The following FARS2 variants were observed in gnomAD, a reference collection of about 807,000 sequenced individuals.
FARS2 encodes phenylalanyl-tRNA synthetase 2, mitochondrial, also known as phenylalanine--tRNA ligase, mitochondrial.
In FARS2, 40 loss-of-function variants were observed where a neutral mutation model predicts 46.4. The ratio of observed to expected loss-of-function variants is 0.86; its 90% CI spans 0.67 to 1.12. The LOEUF is 1.12. FARS2 is among the 50% of genes most tolerant of loss of function. The pLI is 0.00. For synonymous variants in FARS2, 234 were observed against 214.9 expected (o/e 1.09, Z -0.78); for missense variants, 513 against 567.9 (o/e 0.90, Z 0.98).
intron 5 of FARS2, among the ~76,000 whole-genome samples, chr6:5,563,097 C>G (rs920040596): frequency 6.6e-6 from 1 of 151,958 alleles, no homozygotes; most frequent in Non-Finnish European, 1.5e-5. Context: ...GAGGGGGGCT[C>G]CAAAGCCAAA....
At chr6:5,382,689 C>A (rs1759866473) in intron 2 of FARS2, among the ~76,000 whole-genome samples, 1 of 152,148 alleles carries the variant, frequency 6.6e-6, no homozygotes, top group Admixed American at 6.5e-5. Flanking sequence ...TTGAAGAGTG[C>A]TGCAGGGAGT....
intron 1 of FARS2, among the ~76,000 whole-genome samples, chr6:5,292,263 G>C (rs1767557850): frequency 6.6e-6 from 1 of 152,228 alleles, no homozygotes; most frequent in South Asian, 2.1e-4. Context: ...AGATTTTTCT[G>C]AAGAGTTTTA....
At chr6:5,313,202 C>T (rs913601351) in intron 1 of FARS2, among the ~76,000 whole-genome samples, 3 of 152,194 alleles carry the variant, frequency 2.0e-5, no homozygotes, top group Non-Finnish European at 4.4e-5. Flanking sequence ...TTTGTTGTTA[C>T]AAAATCACCT....
At chr6:5,285,173 G>A (rs960794347) in intron 1 of FARS2, among the ~76,000 whole-genome samples, 2 of 152,220 alleles carry the variant, frequency 1.3e-5, no homozygotes, top group African/African-American at 2.4e-5. Flanking sequence ...GGGAGAGGCT[G>A]ACAGGAGCCT....
intron 4 of FARS2, among the ~76,000 whole-genome samples, chr6:5,443,467 A>G (rs1389397891): frequency 6.6e-6 from 1 of 152,212 alleles, no homozygotes; most frequent in Non-Finnish European, 1.5e-5. Context: ...TGCCCCTGTA[A>G]CTGCTTTGGC....
chr6:5,738,117 AT>A (rs991685746), intron 6 of FARS2, among the ~76,000 whole-genome samples: 34 of 152,132 alleles, frequency 2.2e-4, no homozygotes, highest in South Asian at 1.7e-3. Flanking sequence ...CGCCCAGCTA[AT>A]TTTTTAATTT....
At chr6:5,448,718 G>A (rs1764316431) in intron 4 of FARS2, among the ~76,000 whole-genome samples, 1 of 152,112 alleles carries the variant, frequency 6.6e-6, no homozygotes, top group Non-Finnish European at 1.5e-5. Context: ...TTCTTGAAGT[G>A]GAATTGCTAA....
intron 5 of FARS2, among the ~76,000 whole-genome samples, chr6:5,597,983 C>T (rs1317643951): frequency 6.6e-6 from 1 of 152,080 alleles, no homozygotes; most frequent in Non-Finnish European, 1.5e-5. Context: ...CGCCACCGGA[C>T]CTGTGATCAA....
intron 4 of FARS2, among the ~76,000 whole-genome samples, chr6:5,483,899 G>A (rs536603562): frequency 1.6e-4 from 24 of 152,122 alleles, no homozygotes; most frequent in African/African-American, 5.3e-4. Context: ...TAATTTGAAC[G>A]GATTCAGGGC....
chr6:5,567,626 C>T (rs988332402), intron 5 of FARS2, among the ~76,000 whole-genome samples: 1 of 152,196 alleles, frequency 6.6e-6, no homozygotes, highest in African/African-American at 2.4e-5. Flanking sequence ...CTAGGTCCTA[C>T]ATGTTAAGAT....
intron 6 of FARS2, among the ~76,000 whole-genome samples, chr6:5,700,109 G>A (rs986388452): frequency 6.6e-6 from 1 of 152,178 alleles, no homozygotes; most frequent in African/African-American, 2.4e-5. Context: ...TGACTGGAGA[G>A]GGCCTAGGAT....
chr6:5,740,809 C>G (rs1286791008), intron 6 of FARS2, among the ~76,000 whole-genome samples: 1 of 152,214 alleles, frequency 6.6e-6, no homozygotes, highest in East Asian at 1.9e-4. Context: ...CTTCAGCACT[C>G]CAGGATCCGT....
chr6:5,295,511 A>G (rs1013277955), intron 1 of FARS2, among the ~76,000 whole-genome samples: 7 of 152,214 alleles, frequency 4.6e-5, no homozygotes, highest in Non-Finnish European at 8.8e-5. Flanking sequence ...AACGTTTTAA[A>G]AAGGATCAAG....
intron 4 of FARS2, among the ~76,000 whole-genome samples, chr6:5,501,549 T>C (rs1767800195): frequency 6.6e-6 from 1 of 152,132 alleles, no homozygotes; most frequent in Non-Finnish European, 1.5e-5. Context: ...CAGGCTGGAG[T>C]GCAGTGGCGT....
In FARS2 at chr6:5,301,406, G is replaced by A. The variant is rs547467317; in HGVS notation, c.-22+39746G>A. 3.3e-5 allele frequency among the ~76,000 whole-genome samples: 5 copies of A among 152,190 alleles called. No individual in the cohort carries two copies. The East Asian group carries it at 7.7e-4, about 24-fold the overall frequency. ...TTTGAGGCTGCAGTGAGCTGTGATC[G>A]TGCCACTGTACTGTAGCCTGGGTGA... On this transcript the variant is annotated intron_variant, in intron 1 of 6. Coordinates refer to ENST00000274680, the MANE Select transcript of FARS2 (RefSeq NM_006567.5).
intron 6 of FARS2, among the ~76,000 whole-genome samples, chr6:5,649,777 T>C (rs1479228501): frequency 2.0e-5 from 3 of 152,178 alleles, no homozygotes; most frequent in African/African-American, 7.2e-5. Flanking sequence ...GAGCCCGTAC[T>C]CTTATCCGCT....
At chr6:5,444,558 G>A (rs902096630) in intron 4 of FARS2, among the ~76,000 whole-genome samples, 1 of 150,390 alleles carries the variant, frequency 6.6e-6, no homozygotes, top group Non-Finnish European at 1.5e-5. Context: ...TTAGTCTCAG[G>A]TCGAAGACTC....
At chr6:5,511,108 C>T (rs941710072) in intron 4 of FARS2, among the ~76,000 whole-genome samples, 1 of 152,136 alleles carries the variant, frequency 6.6e-6, no homozygotes, top group South Asian at 2.1e-4. Context: ...CACACTTTCA[C>T]CCCAGATTGG....
At chr6:5,340,254 G>A (rs975120855) in intron 1 of FARS2, among the ~76,000 whole-genome samples, 2 of 152,166 alleles carry the variant, frequency 1.3e-5, no homozygotes, top group Non-Finnish European at 2.9e-5. Flanking sequence ...CTTTGCCTCT[G>A]TCCAATACCC....
Sources: allele counts gnomAD v4.1 joint callset (sites outside exome capture counted in the v4.1 genomes callset), GRCh38; gene constraint gnomAD v4.1.1; transcripts MANE v1.5; gene names NCBI Gene and HGNC (gene_info 2026-07-23, HGNC 2026-07-21).